The following CREB3L2 variants were observed in gnomAD, a reference collection of about 807,000 sequenced individuals.
The protein encoded by CREB3L2 is cAMP responsive element binding protein 3 like 2.
In CREB3L2, 23 loss-of-function variants were observed where a neutral mutation model predicts 57.2. The ratio of observed to expected loss-of-function variants is 0.40; its 90% CI spans 0.29 to 0.57. The LOEUF (loss-of-function observed/expected upper bound fraction) is 0.57. CREB3L2 is among the 20% of genes least tolerant of loss of function. The pLI is 0.42. For synonymous variants in CREB3L2, 268 were observed against 265.1 expected, an observed-to-expected ratio of 1.01 and a Z score of -0.11; for missense variants, 628 against 634.7, an observed-to-expected ratio of 0.99 and a Z score of 0.11.
chr7:137,942,786 T>C (rs1800899350), intron 1 of CREB3L2, among the ~76,000 whole-genome samples: 1 of 152,218 alleles, frequency 6.6e-6, no homozygotes, highest in Non-Finnish European at 1.5e-5. Flanking sequence ...GCAATGCTTC[T>C]GAATGTTTGT....
At chr7:137,885,284 TGGA>T in intron 9 of CREB3L2, 116 bp downstream of exon 9, 1 of 1,169,314 alleles carries the variant, frequency 8.6e-7, no homozygotes, top group African/African-American at 1.5e-5. Context: ...AGCCTCAGAG[TGGA>T]GTTCCTCCAT....
intron 4 of CREB3L2, among the ~76,000 whole-genome samples, chr7:137,908,666 A>T (rs1288376543): frequency 6.6e-6 from 1 of 152,130 alleles, no homozygotes; most frequent in Non-Finnish European, 1.5e-5. Flanking sequence ...AAGTGAATAC[A>T]AGAAACCAAT....
chr7:137,940,761 T>C (rs1800868936), intron 1 of CREB3L2, among the ~76,000 whole-genome samples: 1 of 152,232 alleles, frequency 6.6e-6, no homozygotes, highest in Non-Finnish European at 1.5e-5. Context: ...ATGAACGGCA[T>C]GCATGCTTCC....
chr7:138,001,754 G>C lies in CREB3L2; in HGVS notation c.-49C>G, dbSNP rs1802081951. 7.4e-7 allele frequency: 1 copy of C among 1,355,938 alleles called. No homozygotes were observed. Among genetic ancestry groups the C allele is most frequent in the Non-Finnish European group, 1.0e-6 (1 of 999,768 alleles). The allele number at this position is 1,355,938 out of a possible 1,614,324, so 84.0% of individuals were successfully genotyped here. A position where few individuals can be genotyped will look rare whatever the true frequency, so the allele number is the denominator to read the frequency against. On this transcript the variant is annotated 5_prime_UTR_variant, in exon 1 of 12. Transcript: ENST00000330387. The surrounding 1 kb of genome is among the most constrained non-coding windows in gnomAD (Gnocchi z 4.2). Reference sequence around the variant, plus strand: ...GAGGATGCTAAGCGCAGGAGGGGACGCGCAGAGCTGCCTCGGACCGGCAAG... The same window carrying C: ...GAGGATGCTAAGCGCAGGAGGGGACCCGCAGAGCTGCCTCGGACCGGCAAG...
intron 1 of CREB3L2, among the ~76,000 whole-genome samples, chr7:137,989,440 T>TG (rs1563275153): frequency 1.3e-5 from 2 of 149,980 alleles, no homozygotes; most frequent in Admixed American, 6.6e-5. Flanking sequence ...CAGTTTTTTT[T>TG]TTTTTTTTTT....
At chr7:137,948,451 C>T (rs1165471440) in intron 1 of CREB3L2, among the ~76,000 whole-genome samples, 1 of 152,210 alleles carries the variant, frequency 6.6e-6, no homozygotes, top group African/African-American at 2.4e-5. Flanking sequence ...AACTCTCCAA[C>T]TCTACAAAGT....
chr7:137,898,461 G>A (rs577180715), intron 8 of CREB3L2, among the ~76,000 whole-genome samples: 4 of 152,336 alleles, frequency 2.6e-5, no homozygotes, highest in African/African-American at 4.8e-5. Context: ...GTGTACCCAT[G>A]TTCATTAACG....
In CREB3L2 at chr7:137,878,045, T is replaced by C. The variant is rs377403417; in HGVS notation, c.*2431A>G. On this transcript the variant is annotated 3_prime_UTR_variant, in exon 12 of 12. Coordinates refer to ENST00000330387, the MANE Select transcript of CREB3L2 (RefSeq NM_194071.4). ...CCTTAAAAGGGCCATCTGAGCTCTCTGCCTAACGTCCCATTGTCTACATAG... is the reference window on the plus strand; with the variant it reads ...CCTTAAAAGGGCCATCTGAGCTCTCCGCCTAACGTCCCATTGTCTACATAG... 7 of 229,398 alleles carry C rather than the reference T, an allele frequency of 3.1e-5. 2 individuals carry two copies. The highest frequency in any genetic ancestry group is 1.1e-4 in the African/African-American group (5 of 45,220). The allele number at this position is 229,398 out of a possible 1,614,324, so 14.2% of individuals were successfully genotyped here.
intron 1 of CREB3L2, among the ~76,000 whole-genome samples, chr7:137,996,638 G>A (rs532005906): frequency 1.3e-5 from 2 of 152,202 alleles, no homozygotes; most frequent in Non-Finnish European, 2.9e-5. Context: ...CAGTCTGTGA[G>A]ATCAGCCAAC....
intron 2 of CREB3L2, among the ~76,000 whole-genome samples, chr7:137,919,559 T>C (rs1056440008): frequency 1.3e-5 from 2 of 152,230 alleles, no homozygotes; most frequent in East Asian, 1.9e-4. Flanking sequence ...CTCTGGCCAG[T>C]AATCTTCCCA....
chr7:137,913,169 C>G, intron 3 of CREB3L2, 91 bp from the exon 4 acceptor site: 5 of 1,299,028 alleles, frequency 3.8e-6, no homozygotes, highest in Non-Finnish European at 5.3e-6. Flanking sequence ...GTGTCTTCCT[C>G]TCGGGACAGC....
chr7:137,883,626 A>C (rs1353426581), intron 10 of CREB3L2, among the ~76,000 whole-genome samples: 1 of 152,162 alleles, frequency 6.6e-6, no homozygotes, highest in African/African-American at 2.4e-5. Flanking sequence ...CTTCTAATAA[A>C]AGTTACATGA....
chr7:137,918,170 C>T lies in CREB3L2; in HGVS notation c.320-2158G>A, dbSNP rs780597536. 1.1e-4 allele frequency among the ~76,000 whole-genome samples: 16 copies of T among 149,996 alleles called. No homozygotes were observed. The South Asian group carries it at 1.3e-3, about 12-fold the overall frequency. On this transcript the variant is annotated intron_variant, in intron 2 of 11. Coordinates refer to ENST00000330387, the MANE Select transcript of CREB3L2 (RefSeq NM_194071.4). The stretch of plus-strand genomic sequence containing the variant: ...CCGCATAGATCCCATTTTTTCCATT[C>T]GGCAATGACATGGTGATGCTTTTGC...
chr7:137,890,325 G>A (rs1219586501), intron 8 of CREB3L2, among the ~76,000 whole-genome samples: 1 of 152,172 alleles, frequency 6.6e-6, no homozygotes, highest in African/African-American at 2.4e-5. Context: ...GCCTAGTTAA[G>A]GTTCAGGAAG....
At chr7:137,996,321 G>A (rs1310866062) in intron 1 of CREB3L2, among the ~76,000 whole-genome samples, 1 of 152,234 alleles carries the variant, frequency 6.6e-6, no homozygotes, top group African/African-American at 2.4e-5. Flanking sequence ...AACACTTGAT[G>A]TCTAAGAAAG....
At chr7:137,983,224 G>C (rs10226995) in intron 1 of CREB3L2, among the ~76,000 whole-genome samples, 29,227 of 152,086 alleles carry the variant, frequency 0.19, 3,661 homozygotes, top group African/African-American at 0.36. Flanking sequence ...CTATGACAAG[G>C]TGGTGAATGC....
At chr7:137,998,308 G>T (rs1298286833) in intron 1 of CREB3L2, among the ~76,000 whole-genome samples, 1 of 152,204 alleles carries the variant, frequency 6.6e-6, no homozygotes, top group Non-Finnish European at 1.5e-5. Flanking sequence ...TGACAGGTTT[G>T]CTAAAACAGA....
chr7:137,931,394 C>T (rs1800631556), intron 1 of CREB3L2, among the ~76,000 whole-genome samples: 2 of 151,992 alleles, frequency 1.3e-5, no homozygotes. Context: ...TGGTGGTGGG[C>T]ACCTGTAGTC....
At chr7:137,962,693 T>C (rs1801346867) in intron 1 of CREB3L2, among the ~76,000 whole-genome samples, 1 of 151,448 alleles carries the variant, frequency 6.6e-6, no homozygotes, top group Non-Finnish European at 1.5e-5. Flanking sequence ...CTCCATAACA[T>C]GAATCGCCCC....
Sources: allele counts gnomAD v4.1 joint callset (sites outside exome capture counted in the v4.1 genomes callset), GRCh38; gene constraint gnomAD v4.1.1; non-coding constraint Gnocchi (gnomAD v3.1); transcripts MANE v1.5; gene names NCBI Gene and HGNC (gene_info 2026-07-23, HGNC 2026-07-21).